SLC4A4: variants seen among roughly 807,000 people sequenced by gnomAD.
SLC4A4 encodes solute carrier family 4 member 4, also known as electrogenic sodium bicarbonate cotransporter 1.
A neutral mutation model predicts 111.5 loss-of-function variants in SLC4A4; 27 were observed. That is an observed-to-expected ratio of 0.24 (90% CI 0.18 to 0.33). SLC4A4 has a LOEUF of 0.33. Ranked by LOEUF, SLC4A4 falls within the 10% of genes least tolerant of loss-of-function variation. The pLI is 1.00. For missense variants in SLC4A4, 909 were observed against 1,315.5 expected (o/e 0.69, Z 4.78); for synonymous variants, 443 against 463.4 (o/e 0.96, Z 0.57).
At position 71,450,469 on chromosome 4, in the gene SLC4A4, C is replaced by T. The variant is rs757030302; in HGVS notation, c.1134C>T (p.Ile378=). Residue 378 remains isoleucine (I), a synonymous_variant, in exon 10 of 26, where the codon ATC becomes ATT. Transcript: ENST00000264485. The part of the protein sequence containing the change: ...AGIDEFLDEV[I]VLPPGEWDPA... The stretch of plus-strand genomic sequence containing the variant: ...TTGATGAGTTCCTAGATGAAGTCAT[C>T]GTCCTTCCACCTGGGGAATGGGATC... The T allele has an allele frequency of 3.7e-6, 6 of 1,613,360 alleles. No homozygotes were observed. Among genetic ancestry groups the T allele is most frequent in the Admixed American group, 3.3e-5 (2 of 59,976 alleles).
chr4:71,465,996 G>A (rs1727274565), intron 12 of SLC4A4, among the ~76,000 whole-genome samples: 1 of 152,024 alleles, frequency 6.6e-6, no homozygotes, highest in Admixed American at 6.6e-5. Flanking sequence ...AATAGCTTTT[G>A]TACATAAAAG....
chr4:71,542,731 T>A (rs1735176202), intron 18 of SLC4A4, among the ~76,000 whole-genome samples: 1 of 152,088 alleles, frequency 6.6e-6, no homozygotes, highest in Non-Finnish European at 1.5e-5. Flanking sequence ...CTTAGCACCC[T>A]GAATTCACCC....
chr4:71,137,106 T>C (rs542758927), intron 2 of SLC4A4, among the ~76,000 whole-genome samples: 1 of 152,248 alleles, frequency 6.6e-6, no homozygotes, highest in South Asian at 2.1e-4. Context: ...GTGGAGCAGA[T>C]CTCTATTACT....
chr4:71,356,782 G>A (rs375091278), intron 5 of SLC4A4, among the ~76,000 whole-genome samples: 54 of 151,736 alleles, frequency 3.6e-4, no homozygotes, highest in African/African-American at 1.3e-3. Flanking sequence ...ATCATATCTG[G>A]GCCTGAAAAA....
intron 2 of SLC4A4, among the ~76,000 whole-genome samples, chr4:71,117,845 A>C (rs983164779): frequency 7.3e-5 from 11 of 151,204 alleles, no homozygotes; most frequent in Non-Finnish European, 1.5e-4. Context: ...CAAAATCCAT[A>C]AGTTTATTTC....
At chr4:71,085,672 C>T (rs138742340) in intron 1 of SLC4A4, among the ~76,000 whole-genome samples, 14,655 of 151,954 alleles carry the variant, frequency 0.096, 966 homozygotes, top group African/African-American at 0.18. Flanking sequence ...AATCCTTTCC[C>T]CATTGCTTGT....
At chr4:71,544,525 A>T (rs1438122618) in intron 18 of SLC4A4, among the ~76,000 whole-genome samples, 1 of 151,906 alleles carries the variant, frequency 6.6e-6, no homozygotes. Context: ...GGAGGGAGAA[A>T]ATTCTGTAGG....
chr4:71,154,440 C>G (rs575230494), intron 2 of SLC4A4, among the ~76,000 whole-genome samples: 2 of 152,096 alleles, frequency 1.3e-5, no homozygotes, highest in East Asian at 3.9e-4. Context: ...ATATTCTAGT[C>G]AAATCCATGA....
intron 20 of SLC4A4, among the ~76,000 whole-genome samples, chr4:71,553,264 A>G (rs1487190049): frequency 1.3e-5 from 2 of 151,904 alleles, no homozygotes; most frequent in East Asian, 1.9e-4. Flanking sequence ...ATGCCATTCT[A>G]TGTTACTGAT....
At chr4:71,139,199 G>A in intron 2 of SLC4A4, among the ~76,000 whole-genome samples, 1 of 151,574 alleles carries the variant, frequency 6.6e-6, no homozygotes, top group South Asian at 2.1e-4. Flanking sequence ...GTGTGTGTGT[G>A]TGTGTGTGTG....
chr4:71,270,935 G>A (rs1199211125), intron 3 of SLC4A4, among the ~76,000 whole-genome samples: 7 of 152,164 alleles, frequency 4.6e-5, no homozygotes, highest in Non-Finnish European at 1.0e-4. Context: ...ACTGAATTTG[G>A]ATTGCCCCTT....
At chr4:71,424,635 T>TA (rs1409212345) in intron 7 of SLC4A4, among the ~76,000 whole-genome samples, 1 of 152,112 alleles carries the variant, frequency 6.6e-6, no homozygotes, top group Admixed American at 6.5e-5. Flanking sequence ...ATGTGGCACA[T>TA]ATACACCATG....
intron 6 of SLC4A4, among the ~76,000 whole-genome samples, chr4:71,394,844 T>C (rs1056522037): frequency 2.6e-5 from 4 of 152,156 alleles, no homozygotes; most frequent in East Asian, 3.9e-4. Context: ...AAACATCGTA[T>C]GTTCTCACTG....
chr4:71,182,615 C>A (rs575291962), upstream of SLC4A4, among the ~76,000 whole-genome samples: 12 of 152,248 alleles, frequency 7.9e-5, no homozygotes, highest in African/African-American at 2.9e-4. Context: ...TATGTAGGCC[C>A]ATTCAATTCC....
chr4:71,087,789 C>T (rs1331509750), intron 1 of SLC4A4, among the ~76,000 whole-genome samples: 2 of 151,892 alleles, frequency 1.3e-5, no homozygotes, highest in Non-Finnish European at 2.9e-5. Context: ...ATAATTTCTA[C>T]TCTTTTACAT....
chr4:71,083,915 TG>T (rs1442924898), intron 1 of SLC4A4, among the ~76,000 whole-genome samples: 1 of 151,862 alleles, frequency 6.6e-6, no homozygotes, highest in Non-Finnish European at 1.5e-5. Context: ...ATCTTTGTTA[TG>T]GTTATTCGCT....
intron 5 of SLC4A4, 26 bp from the exon 6 acceptor site, chr4:71,356,981 TG>T: frequency 6.2e-7 from 1 of 1,612,486 alleles, no homozygotes; most frequent in South Asian, 1.1e-5. Flanking sequence ...GACTGAGTTT[TG>T]TTTTTTGCTT....
chr4:71,423,404 C>T lies in SLC4A4; in HGVS notation c.808-17212C>T, dbSNP rs570588217. ...GGAAGAATCAATATCGTGAAAATGG[C>T]CATACTGCCCAAGGTCATTTATAGA... On this transcript the variant is annotated intron_variant, in intron 7 of 25. Transcript: ENST00000264485. Among the ~76,000 whole-genome samples, 5 of 152,256 alleles carry T rather than the reference C, an allele frequency of 3.3e-5. No homozygotes were observed. In the South Asian group the frequency reaches 1.0e-3, roughly 32 times the overall value.
chr4:71,313,628 G>T (rs1030288337), intron 3 of SLC4A4, among the ~76,000 whole-genome samples: 1 of 152,120 alleles, frequency 6.6e-6, no homozygotes, highest in Non-Finnish European at 1.5e-5. Flanking sequence ...CGTATCTACA[G>T]CCATCTGATC....
Sources: allele counts gnomAD v4.1 joint callset (sites outside exome capture counted in the v4.1 genomes callset), GRCh38; gene constraint gnomAD v4.1.1; transcripts MANE v1.5; gene names NCBI Gene and HGNC (gene_info 2026-07-23, HGNC 2026-07-21).